SCAMP1: variants seen among roughly 807,000 people sequenced by gnomAD.
The protein encoded by SCAMP1 is secretory carrier-associated membrane protein 1.
A neutral mutation model predicts 41.8 loss-of-function variants in SCAMP1; 15 were observed. The observed-to-expected ratio is 0.36, with a 90% confidence interval of 0.24 to 0.55. The LOEUF is 0.55. Ranked by LOEUF, SCAMP1 falls within the 20% of genes least tolerant of loss-of-function variation. SCAMP1 has a pLI of 0.86. For missense variants in SCAMP1, 341 were observed against 412.6 expected, an observed-to-expected ratio of 0.83 and a Z score of 1.50; for synonymous variants, 135 against 136.8, an observed-to-expected ratio of 0.99 and a Z score of 0.09.
intron 2 of SCAMP1, among the ~76,000 whole-genome samples, chr5:78,408,504 C>T (rs1165115144): frequency 6.6e-6 from 1 of 152,158 alleles, no homozygotes; most frequent in East Asian, 1.9e-4. Flanking sequence ...AGCCTGAGAT[C>T]CTTTTCACTG....
Position 78,386,095 on chromosome 5 carries a change from C to T in SCAMP1, c.58-2742C>T, listed in dbSNP as rs955947888. Among the ~76,000 whole-genome samples the T allele has an allele frequency of 2.6e-5, 4 of 152,102 alleles. No homozygotes were observed. The East Asian group carries it at 5.8e-4, about 22-fold the overall frequency. ...TATTGTGTTGCTGTCTATCTCATTT[C>T]TTAGGTCTAGTAGTACTTGTTTTAT... On this transcript the variant is annotated intron_variant, in intron 1 of 8. Transcript: ENST00000621999.
chr5:78,426,471 A>T (rs1752473237), intron 6 of SCAMP1, among the ~76,000 whole-genome samples: 2 of 152,168 alleles, frequency 1.3e-5, no homozygotes, highest in Non-Finnish European at 2.9e-5. Flanking sequence ...ATCTTTTAAT[A>T]ATCACCATTT....
At chr5:78,465,701 C>CTGA (rs1753727688) in intron 8 of SCAMP1, among the ~76,000 whole-genome samples, 3 of 152,184 alleles carry the variant, frequency 2.0e-5, no homozygotes, top group Admixed American at 1.3e-4. Flanking sequence ...TTAGTAGATG[C>CTGA]CTTTATCAGT....
At chr5:78,467,239 T>A (rs1405384433) in intron 8 of SCAMP1, among the ~76,000 whole-genome samples, 1 of 152,078 alleles carries the variant, frequency 6.6e-6, no homozygotes, top group African/African-American at 2.4e-5. Flanking sequence ...TTGGGGAGAA[T>A]ACTCACAACA....
chr5:78,440,112 C>G (rs1192961617), intron 6 of SCAMP1, among the ~76,000 whole-genome samples: 2 of 152,116 alleles, frequency 1.3e-5, no homozygotes, highest in Non-Finnish European at 1.5e-5. Context: ...TCGTCTAATC[C>G]TTTTTCAAGG....
intron 6 of SCAMP1, among the ~76,000 whole-genome samples, chr5:78,431,508 C>G (rs1425383080): frequency 7.8e-6 from 1 of 127,428 alleles, no homozygotes; most frequent in Non-Finnish European, 1.7e-5. Context: ...TCCAACTATT[C>G]TTTGTTTCTT....
intron 1 of SCAMP1, among the ~76,000 whole-genome samples, chr5:78,374,582 T>C (rs1751019748): frequency 6.6e-6 from 1 of 152,096 alleles, no homozygotes; most frequent in Admixed American, 6.6e-5. Flanking sequence ...TCTATATTAT[T>C]TAGGTTCATT....
At chr5:78,391,634 A>G (rs1206488712) in intron 2 of SCAMP1, among the ~76,000 whole-genome samples, 1 of 152,126 alleles carries the variant, frequency 6.6e-6, no homozygotes, top group Admixed American at 6.5e-5. Flanking sequence ...CACTCCCGGC[A>G]CTTTGGGAGG....
chr5:78,444,679 T>A (rs947450307), intron 6 of SCAMP1, among the ~76,000 whole-genome samples: 2 of 152,196 alleles, frequency 1.3e-5, no homozygotes, highest in African/African-American at 4.8e-5. Flanking sequence ...TCCAGAAATT[T>A]TCAGTATCTT....
chr5:78,431,834 T>G (rs1254881906), intron 6 of SCAMP1, among the ~76,000 whole-genome samples: 3 of 152,100 alleles, frequency 2.0e-5, no homozygotes, highest in African/African-American at 7.2e-5. Flanking sequence ...TTTTTTAATT[T>G]GAATGGGTAC....
At chr5:78,402,627 A>G (rs1751827612) in intron 2 of SCAMP1, among the ~76,000 whole-genome samples, 1 of 152,084 alleles carries the variant, frequency 6.6e-6, no homozygotes, top group Non-Finnish European at 1.5e-5. Context: ...GAAATTTTTT[A>G]TCAGTGTTAG....
At position 78,424,741 on chromosome 5, in the gene SCAMP1, C is replaced by CA. The variant is rs959974339; in HGVS notation, c.632+2788dup. ...CCTCAAAAAAAAAGAAGAAAAACAA[C>CA]AAAAAAACCCCAACTTGGTCCTGAA... On this transcript the variant is annotated intron_variant, in intron 6 of 8. Transcript: ENST00000621999. Among the ~76,000 whole-genome samples the CA allele has an allele frequency of 9.5e-4, 144 of 152,066 alleles. 1 individual carries two copies. The highest frequency in any genetic ancestry group is 6.8e-3 in the Middle Eastern group (2 of 292).
chr5:78,414,089 T>C (rs940633670), intron 2 of SCAMP1, among the ~76,000 whole-genome samples: 1 of 151,814 alleles, frequency 6.6e-6, no homozygotes, highest in Non-Finnish European at 1.5e-5. Context: ...TAAAGTAGTA[T>C]ATGGTGCATG....
chr5:78,429,935 C>T, intron 6 of SCAMP1, among the ~76,000 whole-genome samples: 1 of 150,518 alleles, frequency 6.6e-6, no homozygotes, highest in East Asian at 1.9e-4. Context: ...CCCTTTTCCC[C>T]AACACACATG....
rs1353204188 is a variant in SCAMP1, at chr5:78,478,299, T to C, written c.*2631T>C. 1 of 152,600 alleles carries C rather than the reference T, an allele frequency of 6.6e-6. No homozygotes were observed. The highest frequency in any genetic ancestry group is 1.5e-5 in the Non-Finnish European group (1 of 67,994). 9.5% of individuals were successfully genotyped at this position (152,600 alleles called of 1,614,324 possible). ...TTACTGGATGTTTGTTTGTATAATT[T>C]TGAACACTATAATAGCAATTCAGAG... On this transcript the variant is annotated 3_prime_UTR_variant, in exon 9 of 9. Transcript: ENST00000621999.
At chr5:78,439,404 G>T (rs1044523700) in intron 6 of SCAMP1, among the ~76,000 whole-genome samples, 1 of 149,540 alleles carries the variant, frequency 6.7e-6, no homozygotes, top group African/African-American at 2.6e-5. Context: ...TTGTAAGGCA[G>T]GCCTAGTGAT....
intron 1 of SCAMP1, among the ~76,000 whole-genome samples, chr5:78,375,434 G>A (rs1283610225): frequency 6.6e-6 from 1 of 152,050 alleles, no homozygotes; most frequent in East Asian, 1.9e-4. Context: ...CAGAACCCAA[G>A]TCATAAAGCT....
chr5:78,446,092 A>G (rs543249581), intron 6 of SCAMP1, among the ~76,000 whole-genome samples: 4 of 152,366 alleles, frequency 2.6e-5, no homozygotes, highest in African/African-American at 9.6e-5. Context: ...TTTATTTAAA[A>G]TAAAACTAGA....
In SCAMP1 at chr5:78,418,778, G is replaced by A. The variant is rs1170509518; in HGVS notation, c.347G>A (p.Arg116Lys). The A allele has an allele frequency of 1.3e-6, 2 of 1,519,016 alleles. No homozygotes were observed. Among genetic ancestry groups the A allele is most frequent in the East Asian group, 4.8e-5 (2 of 41,858 alleles). 94.1% of individuals were successfully genotyped at this position (1,519,016 alleles called of 1,614,324 possible). A position where few individuals can be genotyped will look rare whatever the true frequency, so the allele number is the denominator to read the frequency against. Residue 116 changes from arginine to lysine, a missense_variant, in exon 5 of 9, where the codon AGA becomes AAA. Physicochemically the swap from Arg to Lys is conservative, Grantham distance 26. Coordinates refer to ENST00000621999, the MANE Select transcript of SCAMP1 (RefSeq NM_004866.6). The stretch of plus-strand genomic sequence containing the variant: ...TTTTTCTAAAAAAAATTTACAGGTA[G>A]AAAAAATAATTGGCCACCTCTTCCT... ...REMQNLSQHG[R>K]KNNWPPLPSN... is the part of the protein sequence containing the mutation.
Sources: gnomAD v4.1 joint callset for allele counts (sites outside exome capture counted in the v4.1 genomes callset) on GRCh38, gnomAD v4.1.1 for gene constraint, MANE v1.5 for transcripts, NCBI Gene and HGNC (gene_info 2026-07-23, HGNC 2026-07-21) for gene names.